CHST9: variants seen among roughly 807,000 people sequenced by gnomAD.
CHST9 encodes carbohydrate sulfotransferase 9, also known as GalNAc-4-sulfotransferase 2.
Under a neutral mutation model 44.4 loss-of-function variants are expected in CHST9, and 41 were observed. The ratio of observed to expected loss-of-function variants is 0.92; its 90% confidence interval spans 0.72 to 1.20. The LOEUF (loss-of-function observed/expected upper bound fraction) is 1.20, where lower values mean the gene tolerates loss of function less well. Among genes scored for constraint, CHST9 ranks in the 50% most tolerant of loss-of-function variants. The pLI, the probability that CHST9 is intolerant of heterozygous loss-of-function variation, is 0.00. For synonymous variants in CHST9, 171 were observed against 178.4 expected (o/e 0.96, Z 0.33); for missense variants, 504 against 516.5 (o/e 0.98, Z 0.23).
chr18:27,028,116 A>T (rs2057302463), intron 3 of CHST9, among the ~76,000 whole-genome samples: 1 of 151,976 alleles, frequency 6.6e-6, no homozygotes, highest in East Asian at 1.9e-4. Context: ...GATTTTCACC[A>T]TGTTGGTCAG....
At chr18:27,090,795 A>G (rs1469479944) in intron 2 of CHST9, among the ~76,000 whole-genome samples, 3 of 151,960 alleles carry the variant, frequency 2.0e-5, no homozygotes, top group African/African-American at 7.3e-5. Flanking sequence ...GTTCTGTTCC[A>G]TTGGTCTATA....
Position 27,087,802 on chromosome 18 carries a change from C to T in CHST9, c.122-39299G>A, listed in dbSNP as rs1040341520. Among the ~76,000 whole-genome samples the T allele has an allele frequency of 4.6e-5, 7 of 152,134 alleles. No homozygotes were observed. The East Asian group carries it at 1.2e-3, about 25-fold the overall frequency. On this transcript the variant is annotated intron_variant, in intron 2 of 5. Transcript: ENST00000618847. ...GCTAATGTATACAACAGTCCCCTAG[C>T]GAATGGCCTTTGTGAAAAGGGCATC...
chr18:27,081,817 T>C (rs2057963661), intron 2 of CHST9, among the ~76,000 whole-genome samples: 1 of 152,208 alleles, frequency 6.6e-6, no homozygotes, highest in Non-Finnish European at 1.5e-5. Context: ...GTTAATTCTA[T>C]CTTGTTTGCA....
At chr18:27,175,388 G>A (rs2058860357) in intron 1 of CHST9, among the ~76,000 whole-genome samples, 1 of 151,960 alleles carries the variant, frequency 6.6e-6, no homozygotes. Context: ...AAATTATCAA[G>A]GGATTCCACA....
At chr18:27,176,617 G>GT (rs2058870518) in intron 1 of CHST9, among the ~76,000 whole-genome samples, 2 of 151,996 alleles carry the variant, frequency 1.3e-5, no homozygotes, top group South Asian at 4.1e-4. Context: ...AATGCCAGGT[G>GT]TATGAGCTGT....
At chr18:27,130,622 C>A (rs899677105) in intron 2 of CHST9, among the ~76,000 whole-genome samples, 2 of 152,144 alleles carry the variant, frequency 1.3e-5, no homozygotes, top group Admixed American at 1.3e-4. Context: ...AGCTTTCAAA[C>A]ATATAAACAA....
intron 4 of CHST9, among the ~76,000 whole-genome samples, chr18:26,991,076 T>C (rs1293155997): frequency 6.6e-6 from 1 of 152,172 alleles, no homozygotes; most frequent in African/African-American, 2.4e-5. Context: ...CCCACTTACA[T>C]ATTAAAATAA....
At chr18:27,090,605 T>C (rs1031126328) in intron 2 of CHST9, among the ~76,000 whole-genome samples, 6 of 151,288 alleles carry the variant, frequency 4.0e-5, no homozygotes, top group Non-Finnish European at 8.9e-5. Flanking sequence ...CTTTAATCCA[T>C]CTTGAAATAA....
intron 2 of CHST9, among the ~76,000 whole-genome samples, chr18:27,140,774 A>T (rs1567934590): frequency 1.3e-5 from 2 of 152,296 alleles, no homozygotes; most frequent in East Asian, 1.9e-4. Context: ...TAGCCTATAT[A>T]TTTTACTACA....
rs2055452977 is a variant in CHST9, at chr18:26,912,384, C to CACACACACAG, written c.*3874_*3875insCTGTGTGTGT. On this transcript the variant is annotated 3_prime_UTR_variant, in exon 6 of 6. Transcript: ENST00000618847. ...AACTAACTAGCTAAATACACACACA[C>CACACACACAG]ACACACACACACACACACACACACA... 1 of 146,916 alleles carries CACACACACAG rather than the reference C, an allele frequency of 6.8e-6. No homozygotes were observed. Among genetic ancestry groups the CACACACACAG allele is most frequent in the African/African-American group, 2.6e-5 (1 of 39,024 alleles). The allele number at this position is 146,916 out of a possible 1,614,324, so 9.1% of individuals were successfully genotyped here.
chr18:26,959,053 C>T (rs557591765), intron 4 of CHST9, among the ~76,000 whole-genome samples: 1 of 152,248 alleles, frequency 6.6e-6, no homozygotes, highest in Non-Finnish European at 1.5e-5. Context: ...AATAGCAAGA[C>T]ATGAAATCAA....
intron 3 of CHST9, among the ~76,000 whole-genome samples, chr18:27,030,571 G>A (rs1202083160): frequency 6.6e-6 from 1 of 152,226 alleles, no homozygotes; most frequent in African/African-American, 2.4e-5. Flanking sequence ...CCTGCATAAA[G>A]CCTTGCCTGT....
intron 5 of CHST9, among the ~76,000 whole-genome samples, chr18:26,942,456 A>T (rs770950181): frequency 1.1e-4 from 16 of 152,226 alleles, no homozygotes; most frequent in Non-Finnish European, 2.2e-4. Flanking sequence ...GAAAACCATT[A>T]TAATTTTATA....
rs543899533 is a variant in CHST9, at chr18:27,117,069, G to A, written c.121+25620C>T. Among the ~76,000 whole-genome samples the A allele has an allele frequency of 7.7e-4, 117 of 151,076 alleles. 2 individuals carry two copies. In the South Asian group the frequency reaches 0.015, roughly 19 times the overall value. On this transcript the variant is annotated intron_variant, in intron 2 of 5. Transcript: ENST00000618847. ...ACTGGACTTTACTTTTTAACTATAC[G>A]TTTCATATGAAATTTTGATGATTCT...
intron 4 of CHST9, among the ~76,000 whole-genome samples, chr18:27,005,148 C>T (rs372986573): frequency 7.0e-4 from 106 of 152,204 alleles, no homozygotes; most frequent in African/African-American, 2.1e-3. Context: ...ACTGATTTAG[C>T]GACTCGTGTG....
intron 4 of CHST9, among the ~76,000 whole-genome samples, chr18:26,984,885 C>T (rs1019069506): frequency 1.3e-5 from 2 of 152,132 alleles, no homozygotes; most frequent in Non-Finnish European, 2.9e-5. Flanking sequence ...AAGAAACTCT[C>T]ATACACTGAT....
chr18:27,055,894 C>T (rs906410713), intron 2 of CHST9, among the ~76,000 whole-genome samples: 2 of 151,668 alleles, frequency 1.3e-5, no homozygotes, highest in African/African-American at 4.8e-5. Flanking sequence ...TCTTGAGTAC[C>T]TTCTCATTAC....
At chr18:27,051,207 G>A (rs527573119) in intron 2 of CHST9, among the ~76,000 whole-genome samples, 1 of 151,982 alleles carries the variant, frequency 6.6e-6, no homozygotes, top group African/African-American at 2.4e-5. Context: ...GAGGCCAGCA[G>A]TTTCAGACCA....
intron 1 of CHST9, among the ~76,000 whole-genome samples, chr18:27,174,097 A>G (rs1053549025): frequency 2.0e-5 from 3 of 151,962 alleles, no homozygotes; most frequent in African/African-American, 7.2e-5. Flanking sequence ...CGGGGATGTA[A>G]TACTGTTATA....
Sources: gnomAD v4.1 joint callset for allele counts (sites outside exome capture counted in the v4.1 genomes callset) on GRCh38, gnomAD v4.1.1 for gene constraint, MANE v1.5 for transcripts, NCBI Gene and HGNC (gene_info 2026-07-23, HGNC 2026-07-21) for gene names.